The following TPRN variants were observed in gnomAD, a reference collection of about 807,000 sequenced individuals.
TPRN encodes the protein chromosome 9 open reading frame 75.
In TPRN, 32 loss-of-function variants were observed where a neutral mutation model predicts 42.6. The observed-to-expected ratio is 0.75, with a 90% CI of 0.57 to 1.01. The LOEUF is 1.01. Among genes scored for constraint, TPRN ranks in the 50% least tolerant of loss-of-function variants. The pLI is 0.00. For missense variants in TPRN, 1,095 were observed against 957.5 expected (o/e 1.14, Z -1.90); for synonymous variants, 541 against 445.6 (o/e 1.21, Z -2.70).
In TPRN at chr9:137,200,673, A is replaced by G. The variant is rs1834796480; in HGVS notation, c.39T>C (p.Ala13=). Residue 13 remains alanine, a synonymous_variant, in exon 1 of 4, where the codon GCT becomes GCC. Transcript: ENST00000409012. This position sits in a 1 kb window ranked among gnomAD's most constrained non-coding sequence, Gnocchi z 4.3. ...ALGRPGSGPR[A]AVPAWKREIL... ...TCTCACGCTTCCAAGCGGGCACCGCAGCGCGCGGCCCCGAGCCCGGCCGCC... is the reference window on the plus strand; with the variant it reads ...TCTCACGCTTCCAAGCGGGCACCGCGGCGCGCGGCCCCGAGCCCGGCCGCC... 8.1e-7 allele frequency: 1 copy of G among 1,233,572 alleles called. No homozygotes were observed. Among genetic ancestry groups the G allele is most frequent in the African/African-American group, 1.6e-5 (1 of 62,162 alleles). The allele number at this position is 1,233,572 out of a possible 1,614,324, so 76.4% of individuals were successfully genotyped here.
At chr9:137,197,161 C>T (rs1442602519) in intron 1 of TPRN, among the ~76,000 whole-genome samples, 2 of 152,200 alleles carry the variant, frequency 1.3e-5, no homozygotes, top group Non-Finnish European at 2.9e-5. Context: ...TGCAATGGCG[C>T]GATCTCGGCT....
chr9:137,192,333 CCA>C lies in TPRN; in HGVS notation c.1997_1998del (p.Val666GlyfsTer33). ...GCCTGCTCCTGCCACTTGCTGAAGG[CCA>C]CAGAGTGCTTCGGGGTGTAGCTGGA... The part of the protein sequence containing the change: ...GLSSYTPKHS[V>X]AFSKWQEQAL... On this transcript the variant is annotated frameshift_variant, in exon 3 of 4. Transcript: ENST00000409012. LOFTEE classifies it high-confidence loss of function. The C allele has an allele frequency of 6.2e-7, 1 of 1,613,052 alleles. No homozygotes were observed. Among genetic ancestry groups the C allele is most frequent in the East Asian group, 2.2e-5 (1 of 44,882 alleles).
At chr9:137,198,566 G>A (rs1834740714) in intron 1 of TPRN, among the ~76,000 whole-genome samples, 1 of 152,254 alleles carries the variant, frequency 6.6e-6, no homozygotes, top group Non-Finnish European at 1.5e-5. Context: ...GTGGCGCCTG[G>A]CGCCCATGCA....
chr9:137,197,626 C>T (rs903387457), intron 1 of TPRN, among the ~76,000 whole-genome samples: 12 of 152,256 alleles, frequency 7.9e-5, no homozygotes, highest in African/African-American at 2.2e-4. Context: ...ACTGCCACCT[C>T]TGGGGCAAGC....
chr9:137,198,926 C>A (rs985434790), intron 1 of TPRN, 61 bp downstream of exon 1: 36 of 1,608,776 alleles, frequency 2.2e-5, no homozygotes, highest in Non-Finnish European at 2.8e-5. Flanking sequence ...GTGCTGCCCC[C>A]ACAGTTCTGT....
intron 1 of TPRN, among the ~76,000 whole-genome samples, chr9:137,198,402 C>T (rs1426337746): frequency 6.6e-6 from 1 of 152,254 alleles, no homozygotes; most frequent in African/African-American, 2.4e-5. Flanking sequence ...AGGCCCAGAA[C>T]AGGCATACAC....
Position 137,199,402 on chromosome 9 carries a change from C to G in TPRN, c.1310G>C (p.Arg437Thr). 1 of 1,612,550 alleles carries G rather than the reference C, an allele frequency of 6.2e-7. No homozygotes were observed. Among genetic ancestry groups the G allele is most frequent in the African/African-American group, 1.3e-5 (1 of 75,074 alleles). The change falls in exon 1 of 4, where the codon AGG becomes ACG. Residue 437 changes from arginine (R) to threonine (T), a missense_variant. Physicochemically the swap from Arg to Thr is moderately conservative, Grantham distance 71 (BLOSUM62 -1). Transcript: ENST00000409012. The stretch of plus-strand genomic sequence containing the variant: ...GCTATTCTTGGCCAAGCCAGGAACC[C>G]TGAGGCCCTCAGCAGGCTCAGCTTC... ...SEEAEPAEGL[R>T]VPGLAKNSRE...
At chr9:137,196,362 G>A (rs772137141) in intron 1 of TPRN, among the ~76,000 whole-genome samples, 1 of 152,182 alleles carries the variant, frequency 6.6e-6, no homozygotes, top group Admixed American at 6.5e-5. Context: ...TAAGGCAGGC[G>A]GATCATCTGA....
chr9:137,193,002 C>T (rs903434553), intron 1 of TPRN: 1 of 434,070 alleles, frequency 2.3e-6, no homozygotes, highest in Admixed American at 3.8e-5. Flanking sequence ...CCATCTCAGG[C>T]CCCTCCTGCT....
intron 1 of TPRN, among the ~76,000 whole-genome samples, chr9:137,198,786 G>C (rs890983558): frequency 6.6e-6 from 1 of 152,266 alleles, no homozygotes; most frequent in Non-Finnish European, 1.5e-5. Flanking sequence ...CAGGCCAGCT[G>C]TCCCCACGGC....
rs186833712 is a variant in TPRN, at chr9:137,197,913, G to A, written c.1725+1074C>T. ...AGATAGAGCCGGCAGGGGCACCAAC[G>A]CCCTGGTTCCAGGAGGGGAGTATGG... is the stretch of plus-strand genomic sequence containing the variant. On this transcript the variant is annotated intron_variant, in intron 1 of 3. Transcript: ENST00000409012. 4.9e-4 allele frequency among the ~76,000 whole-genome samples: 75 copies of A among 152,308 alleles called. No individual in the cohort carries two copies. The South Asian group carries it at 7.0e-3, about 14-fold the overall frequency.
rs746414662 is a variant in TPRN at position 137,197,884 on chromosome 9, C to T, written c.1725+1103G>A. Reference sequence around the variant, plus strand: ...GGAGGGTTAGCACGGATGCCTGGGCCGGCAGATAGAGCCGGCAGGGGCACC... The same window carrying T: ...GGAGGGTTAGCACGGATGCCTGGGCTGGCAGATAGAGCCGGCAGGGGCACC... On this transcript the variant is annotated intron_variant, in intron 1 of 3. Transcript: ENST00000409012. Among the ~76,000 whole-genome samples the T allele has an allele frequency of 4.6e-5, 7 of 152,196 alleles. 1 individual carries two copies. The highest frequency in any genetic ancestry group is 4.1e-4 in the South Asian group (2 of 4,836).
chr9:137,192,848 C>A, intron 1 of TPRN, 157 bp from the exon 2 acceptor site: 2 of 735,200 alleles, frequency 2.7e-6, no homozygotes, highest in Non-Finnish European at 2.3e-6. Context: ...ACAGAGCTCT[C>A]CAGCTGGACC....
chr9:137,198,991 T>C lies in TPRN; in HGVS notation c.1721A>G (p.Lys574Arg), dbSNP rs1181217504. ...GGCCCTGCCCCCACCACTGACCTTC[T>C]TTCTTGAGGAGCCAGCCTTGGTGAG... ...SCLTKAGSSR[K>R]KMKISFNDKS... Residue 574 changes from lysine (K) to arginine (R), a missense_variant, in exon 1 of 4, where the codon AAG becomes AGG. Lys to Arg is a conservative substitution (Grantham distance 26). Coordinates refer to ENST00000409012, the MANE Select transcript of TPRN (RefSeq NM_001128228.3). The C allele has an allele frequency of 6.2e-7, 1 of 1,612,806 alleles. No homozygotes were observed. The highest frequency in any genetic ancestry group is 8.5e-7 in the Non-Finnish European group (1 of 1,179,972).
Position 137,192,040 on chromosome 9 carries a change from T to C in TPRN, c.*72A>G, listed in dbSNP as rs1834626213. ...CCAAACAAGGCAGAAGCGGGTGCAG[T>C]AGTCCCTGGCTACTGCCCAGCTTCC... On this transcript the variant is annotated 3_prime_UTR_variant, in exon 4 of 4. Coordinates refer to ENST00000409012, the MANE Select transcript of TPRN (RefSeq NM_001128228.3). 7.0e-6 allele frequency: 11 copies of C among 1,569,080 alleles called. No homozygotes were observed. The highest frequency in any genetic ancestry group is 1.7e-5 in the Admixed American group (1 of 59,488).
intron 1 of TPRN, among the ~76,000 whole-genome samples, chr9:137,196,270 C>CG (rs1322456561): frequency 2.0e-5 from 3 of 152,302 alleles, no homozygotes. Flanking sequence ...CCCCCACGCC[C>CG]GGGGGTCACA....
Position 137,192,542 on chromosome 9 carries a change from T to G in TPRN, c.1875A>C (p.Ser625=), listed in dbSNP as rs1158621974. ...EEEEEEEGSG[S]EEKPFALFLP... is the part of the protein sequence containing the mutation. ...GGAAGAGTGCAAAGGGCTTCTCCTCTGAGCCGGATCCCTCTTCCTCCTCTT... is the reference window on the plus strand; with the variant it reads ...GGAAGAGTGCAAAGGGCTTCTCCTCGGAGCCGGATCCCTCTTCCTCCTCTT... Residue 625 remains serine, a synonymous_variant, in exon 2 of 4, where the codon TCA becomes TCC. Transcript: ENST00000409012. 1 of 1,609,406 alleles carries G rather than the reference T, an allele frequency of 6.2e-7. No homozygotes were observed. The highest frequency in any genetic ancestry group is 1.7e-5 in the Admixed American group (1 of 59,402).
chr9:137,200,594 CG>C lies in TPRN; in HGVS notation c.117del (p.Ala41ArgfsTer409). On this transcript the variant is annotated frameshift_variant, in exon 1 of 4. Coordinates refer to ENST00000409012, the MANE Select transcript of TPRN (RefSeq NM_001128228.3). LOFTEE classifies it high-confidence loss of function. This position sits in a 1 kb window ranked among gnomAD's most constrained non-coding sequence, Gnocchi z 4.3. ...ACCCGCTGCTCGGGCTCCGCCGCCC[CG>C]GGCCCCGCGCCCCCGCCCAGCGCGG... The part of the protein sequence containing the change: ...KLAALGGGAG[P>X]GAAEPEQRVL... 1 of 1,155,648 alleles carries C rather than the reference CG, an allele frequency of 8.7e-7. No homozygotes were observed. The allele number at this position is 1,155,648 out of a possible 1,614,324, so 71.6% of individuals were successfully genotyped here. A position where few individuals can be genotyped will look rare whatever the true frequency, so the allele number is the denominator to read the frequency against.
At chr9:137,195,993 C>T (rs1446141651) in intron 1 of TPRN, among the ~76,000 whole-genome samples, 2 of 152,172 alleles carry the variant, frequency 1.3e-5, no homozygotes, top group African/African-American at 2.4e-5. Context: ...GCCCCCACCC[C>T]GGCACACAGG....
Sources: allele counts gnomAD v4.1 joint callset (sites outside exome capture counted in the v4.1 genomes callset), GRCh38; gene constraint gnomAD v4.1.1; non-coding constraint Gnocchi (gnomAD v3.1); transcripts MANE v1.5; gene names NCBI Gene and HGNC (gene_info 2026-07-23, HGNC 2026-07-21).